RNF130: variants seen among roughly 807,000 people sequenced by gnomAD.
The protein encoded by RNF130 is ring finger protein 130, also known as E3 ubiquitin-protein ligase RNF130.
Under a neutral mutation model 44.6 loss-of-function variants are expected in RNF130, and 21 were observed. The ratio of observed to expected loss-of-function variants is 0.47; its 90% confidence interval spans 0.33 to 0.68. RNF130 has a LOEUF of 0.68. Ranked by LOEUF, RNF130 falls within the 30% of genes least tolerant of loss-of-function variation. The pLI is 0.02. For synonymous variants in RNF130, 214 were observed against 210.4 expected (o/e 1.02, Z -0.15); for missense variants, 479 against 560.6 (o/e 0.85, Z 1.47).
At chr5:180,011,249 C>A (rs1561691277) in intron 3 of RNF130, among the ~76,000 whole-genome samples, 1 of 152,030 alleles carries the variant, frequency 6.6e-6, no homozygotes, top group Non-Finnish European at 1.5e-5. Context: ...CCAATCAATC[C>A]AGGATTTTCT....
At chr5:180,009,191 G>A (rs913709155) in intron 3 of RNF130, among the ~76,000 whole-genome samples, 3 of 152,068 alleles carry the variant, frequency 2.0e-5, no homozygotes, top group African/African-American at 7.2e-5. Flanking sequence ...GATATCTAGG[G>A]ATAAGTAAAG....
intron 1 of RNF130, among the ~76,000 whole-genome samples, chr5:180,063,736 A>C (rs1415538468): frequency 6.6e-6 from 1 of 152,218 alleles, no homozygotes; most frequent in African/African-American, 2.4e-5. Flanking sequence ...TCTGATCTCA[A>C]ACCTAAGACT....
At chr5:179,949,393 G>T (rs961368501) in intron 7 of RNF130, among the ~76,000 whole-genome samples, 8 of 151,576 alleles carry the variant, frequency 5.3e-5, no homozygotes, top group Admixed American at 2.0e-4. Context: ...TGAGTAGCTA[G>T]GGCTTATAAG....
intron 7 of RNF130, among the ~76,000 whole-genome samples, chr5:179,938,299 C>A (rs1208126379): frequency 6.6e-6 from 1 of 151,988 alleles, no homozygotes; most frequent in Non-Finnish European, 1.5e-5. Flanking sequence ...GTGAAAGAGG[C>A]CAAACACAAA....
intron 2 of RNF130, among the ~76,000 whole-genome samples, chr5:180,039,443 G>A (rs1050597554): frequency 2.0e-5 from 3 of 151,972 alleles, no homozygotes; most frequent in Non-Finnish European, 4.4e-5. Context: ...TCAGCATGTC[G>A]GCCAGGGTGG....
chr5:180,060,835 C>T lies in RNF130; in HGVS notation c.247+10621G>A, dbSNP rs577210582. Among the ~76,000 whole-genome samples, 45 of 152,050 alleles carry T rather than the reference C, an allele frequency of 3.0e-4. No individual in the cohort carries two copies. The South Asian group carries it at 7.7e-3, about 26-fold the overall frequency. Reference sequence around the variant, plus strand: ...CTGTAATCCCAGCACTTTGGGAGGCCGAGGTGGGCGGATCACGAGGTCGGG... The same window carrying T: ...CTGTAATCCCAGCACTTTGGGAGGCTGAGGTGGGCGGATCACGAGGTCGGG... On this transcript the variant is annotated intron_variant, in intron 1 of 8. Transcript: ENST00000521389.
At chr5:179,934,134 G>A in intron 7 of RNF130, 1 of 244,584 alleles carries the variant, frequency 4.1e-6, no homozygotes, top group Non-Finnish European at 8.0e-6. Flanking sequence ...CCTGGTGTTT[G>A]CCTCTCCTTT....
chr5:179,925,865 G>C (rs1276525464), intron 7 of RNF130, among the ~76,000 whole-genome samples: 1 of 152,126 alleles, frequency 6.6e-6, no homozygotes, highest in Non-Finnish European at 1.5e-5. Flanking sequence ...GAAGACGTAG[G>C]CCCAGAACAC....
chr5:180,028,120 C>A (rs202135338), intron 2 of RNF130, among the ~76,000 whole-genome samples: 58 of 152,300 alleles, frequency 3.8e-4, no homozygotes, highest in African/African-American at 1.4e-3. Flanking sequence ...CACCTCAGAT[C>A]CTTCACTTAC....
chr5:179,999,030 TTTC>T (rs1428530451), intron 3 of RNF130, among the ~76,000 whole-genome samples: 2 of 151,734 alleles, frequency 1.3e-5, no homozygotes, highest in African/African-American at 4.8e-5. Flanking sequence ...GTTATTATTT[TTTC>T]TTTTTTTGAG....
At chr5:179,993,576 A>G (rs1349862013) in intron 3 of RNF130, among the ~76,000 whole-genome samples, 1 of 151,202 alleles carries the variant, frequency 6.6e-6, no homozygotes, top group Non-Finnish European at 1.5e-5. Context: ...GGGTTGTTTG[A>G]TTTTTTTCTT....
chr5:179,981,177 T>C (rs552458984), intron 3 of RNF130, among the ~76,000 whole-genome samples: 2 of 151,330 alleles, frequency 1.3e-5, no homozygotes, highest in East Asian at 1.9e-4. Flanking sequence ...AGAACAGGTA[T>C]GTGAAGAAAA....
At chr5:180,012,312 T>G (rs2113083503) in intron 3 of RNF130, among the ~76,000 whole-genome samples, 1 of 152,292 alleles carries the variant, frequency 6.6e-6, no homozygotes, top group East Asian at 1.9e-4. Flanking sequence ...TTCAAATCAC[T>G]CTCCAAGCAA....
chr5:180,062,813 T>C (rs1765017893), intron 1 of RNF130, among the ~76,000 whole-genome samples: 1 of 152,352 alleles, frequency 6.6e-6, no homozygotes, highest in East Asian at 1.9e-4. Context: ...ACTTGACTTG[T>C]TGACTACTAA....
At chr5:179,944,501 C>T (rs138177139) in intron 7 of RNF130, among the ~76,000 whole-genome samples, 6,621 of 151,244 alleles carry the variant, frequency 0.044, 540 homozygotes, top group African/African-American at 0.15. Context: ...TCTTGCTCTG[C>T]CGCCCAGGCT....
At chr5:180,015,725 G>GA (rs1483071789) in intron 2 of RNF130, among the ~76,000 whole-genome samples, 22 of 122,482 alleles carry the variant, frequency 1.8e-4, no homozygotes, top group East Asian at 1.5e-3. Flanking sequence ...AAAGGAGTAG[G>GA]AAAGGAGTAG....
intron 1 of RNF130, among the ~76,000 whole-genome samples, chr5:180,063,794 C>T (rs903294984): frequency 5.9e-5 from 9 of 152,120 alleles, no homozygotes; most frequent in African/African-American, 1.7e-4. Flanking sequence ...ATGAGAAAGA[C>T]CAACGGTACA....
chr5:180,056,999 C>T (rs1326254259), intron 1 of RNF130, among the ~76,000 whole-genome samples: 3 of 152,186 alleles, frequency 2.0e-5, no homozygotes, highest in Non-Finnish European at 4.4e-5. Context: ...TCATAGAATT[C>T]CTAACACGTT....
At chr5:179,972,289 C>T (rs1400853677) in intron 5 of RNF130, among the ~76,000 whole-genome samples, 1 of 152,212 alleles carries the variant, frequency 6.6e-6, no homozygotes, top group African/African-American at 2.4e-5. Flanking sequence ...GTTACAGAAC[C>T]TCCCTCTGAA....
Sources: gnomAD v4.1 joint callset for allele counts (sites outside exome capture counted in the v4.1 genomes callset) on GRCh38, gnomAD v4.1.1 for gene constraint, MANE v1.5 for transcripts, NCBI Gene and HGNC (gene_info 2026-07-23, HGNC 2026-07-21) for gene names.